Variants in RNF141 observed in about 807,000 individuals in gnomAD.
RNF141 encodes ring finger protein 141, also known as C3HC4-like zinc finger protein.
Under a neutral mutation model 27.4 loss-of-function variants are expected in RNF141, and 18 were observed. That is an observed-to-expected ratio of 0.66 (90% CI 0.45 to 0.97). RNF141 has a LOEUF of 0.97. RNF141 is among the 50% of genes least tolerant of loss of function. RNF141 has a pLI of 0.00. For missense variants in RNF141, 230 were observed against 279.4 expected (o/e 0.82, Z 1.26); for synonymous variants, 97 against 96.6 (o/e 1.00, Z -0.02).
In RNF141 at chr11:10,514,019, A is replaced by G. The variant is rs1049777259; in HGVS notation, c.*897T>C. 6.6e-6 allele frequency: 1 copy of G among 152,212 alleles called. No individual in the cohort carries two copies. The highest frequency in any genetic ancestry group is 1.5e-5 in the Non-Finnish European group (1 of 68,040). The allele number at this position is 152,212 out of a possible 1,614,324, so 9.4% of individuals were successfully genotyped here. ...AAATTTGAGGACTCTGAAATCTCAGAAAGATGTTTTCAAGTTAAGGAAATA... is the reference window on the plus strand; with the variant it reads ...AAATTTGAGGACTCTGAAATCTCAGGAAGATGTTTTCAAGTTAAGGAAATA... On this transcript the variant is annotated 3_prime_UTR_variant, in exon 6 of 6. Transcript: ENST00000265981.
At chr11:10,527,501 C>T (rs910196110) in intron 3 of RNF141, among the ~76,000 whole-genome samples, 1 of 152,116 alleles carries the variant, frequency 6.6e-6, no homozygotes. Context: ...GAGAGTCTCA[C>T]AAGAAGCCCA....
rs181217129 is a variant in RNF141 at position 10,530,534 on chromosome 11, C to T, written c.252+109G>A. 1.2e-3 allele frequency: 614 copies of T among 531,872 alleles called. 1 individual carries two copies. Among genetic ancestry groups the T allele is most frequent in the Non-Finnish European group, 1.5e-3 (467 of 304,764 alleles). The allele number at this position is 531,872 out of a possible 1,614,324, so 32.9% of individuals were successfully genotyped here. On this transcript the variant is annotated intron_variant, in intron 3 of 5. Transcript: ENST00000265981. The stretch of plus-strand genomic sequence containing the variant: ...AGTAACAAAACTATGTTTTACAAAA[C>T]CACCGAGTTATTAAAATGTATATGC...
At position 10,525,017 on chromosome 11, in the gene RNF141, C is replaced by T. The variant is rs150246483; in HGVS notation, c.434+175G>A. ...GCCCTGCCAAGCCACTTTAATTTAG[C>T]ACTGTAACAACATCCGAAGCACAGA... On this transcript the variant is annotated intron_variant, in intron 4 of 5. Coordinates refer to ENST00000265981, the MANE Select transcript of RNF141 (RefSeq NM_016422.4). Among the ~76,000 whole-genome samples the T allele has an allele frequency of 2.4e-3, 364 of 151,496 alleles. 1 individual carries two copies. The highest frequency in any genetic ancestry group is 0.01 in the Middle Eastern group (3 of 294).
At chr11:10,536,650 TAAAC>T (rs903239422) in intron 1 of RNF141, among the ~76,000 whole-genome samples, 2 of 152,156 alleles carry the variant, frequency 1.3e-5, no homozygotes, top group African/African-American at 2.4e-5. Flanking sequence ...GGAGTCTCTT[TAAAC>T]AAACAGAGTT....
intron 5 of RNF141, chr11:10,518,620 C>T (rs77318898): frequency 0.018 from 2,871 of 156,344 alleles, 88 homozygotes; most frequent in African/African-American, 0.063. Context: ...TTATCCTAAA[C>T]GCTCAAGTCT....
chr11:10,517,110 G>A (rs1020537707), intron 5 of RNF141: 2 of 151,578 alleles, frequency 1.3e-5, no homozygotes, highest in African/African-American at 2.4e-5. Flanking sequence ...AAAATGGAAA[G>A]TTATTATAGC....
At chr11:10,527,187 C>T (rs980209614) in intron 3 of RNF141, among the ~76,000 whole-genome samples, 38 of 152,324 alleles carry the variant, frequency 2.5e-4, no homozygotes, top group Middle Eastern at 3.4e-3. Flanking sequence ...GCTCTAGGCA[C>T]TAGCCACAGT....
At position 10,512,718 on chromosome 11, in the gene RNF141, T is replaced by C. The variant is rs1179505282; in HGVS notation, c.*2198A>G. On this transcript the variant is annotated 3_prime_UTR_variant, in exon 6 of 6. Transcript: ENST00000265981. ...TGTTCCATGGAATACTAAGAATCTA[T>C]GGAGGAGATACAGGGTTCTGCAAAT... 2.0e-5 allele frequency: 3 copies of C among 152,032 alleles called. No homozygotes were observed. The highest frequency in any genetic ancestry group is 2.9e-5 in the Non-Finnish European group (2 of 67,974). 9.4% of individuals were successfully genotyped at this position (152,032 alleles called of 1,614,324 possible).
chr11:10,532,361 TA>T (rs1849994160), intron 2 of RNF141, among the ~76,000 whole-genome samples: 1 of 152,096 alleles, frequency 6.6e-6, no homozygotes, highest in African/African-American at 2.4e-5. Context: ...CTAGAGTTTT[TA>T]AAACCAATGA....
At position 10,532,424 on chromosome 11, in the gene RNF141, T is replaced by G. The variant is rs537399564; in HGVS notation, c.143+1592A>C. Among the ~76,000 whole-genome samples, 29 of 151,128 alleles carry G rather than the reference T, an allele frequency of 1.9e-4. 1 individual carries two copies. Among genetic ancestry groups the G allele is most frequent in the Admixed American group, 1.6e-3 (24 of 15,130 alleles). ...AATACACACAGTAAAATGTAAAATC[T>G]CCCTCTCTGCCCCCTTTTCCCACCA... On this transcript the variant is annotated intron_variant, in intron 2 of 5. Coordinates refer to ENST00000265981, the MANE Select transcript of RNF141 (RefSeq NM_016422.4).
rs1346664645 is a variant in RNF141, at chr11:10,525,259, T to C, written c.367A>G (p.Thr123Ala). 6.2e-7 allele frequency: 1 copy of C among 1,613,092 alleles called. No individual in the cohort carries two copies. Among genetic ancestry groups the C allele is most frequent in the Non-Finnish European group, 8.5e-7 (1 of 1,179,374 alleles). Residue 123 changes from threonine to alanine, a missense_variant, in exon 4 of 6, where the codon ACC becomes GCC. Physicochemically the swap from Thr to Ala is moderately conservative, Grantham distance 58 (BLOSUM62 0). Coordinates refer to ENST00000265981, the MANE Select transcript of RNF141 (RefSeq NM_016422.4). The part of the protein sequence containing the change: ...QAAGVLAQSS[T>A]SEEPDENSSS... Reference sequence around the variant, plus strand: ...GAGTTTTCATCAGGTTCTTCAGAGGTGGAGCTCTGTGCCAATACTCCTGCT... The same window carrying C: ...GAGTTTTCATCAGGTTCTTCAGAGGCGGAGCTCTGTGCCAATACTCCTGCT...
chr11:10,520,497 G>A (rs956113013), intron 4 of RNF141, among the ~76,000 whole-genome samples: 1 of 152,164 alleles, frequency 6.6e-6, no homozygotes, highest in African/African-American at 2.4e-5. Flanking sequence ...AACATGCACG[G>A]AGCTGTCATC....
intron 2 of RNF141, among the ~76,000 whole-genome samples, chr11:10,531,090 A>C (rs1364229621): frequency 1.3e-5 from 2 of 152,150 alleles, no homozygotes; most frequent in Non-Finnish European, 2.9e-5. Context: ...ACTTAAAAAA[A>C]AGGTTGGCCA....
Position 10,531,408 on chromosome 11 carries a change from T to C in RNF141, c.144-657A>G, listed in dbSNP as rs190716269. Among the ~76,000 whole-genome samples, 74 of 152,068 alleles carry C rather than the reference T, an allele frequency of 4.9e-4. No individual in the cohort carries two copies. The East Asian group carries it at 0.012, about 24-fold the overall frequency. On this transcript the variant is annotated intron_variant, in intron 2 of 5. Coordinates refer to ENST00000265981, the MANE Select transcript of RNF141 (RefSeq NM_016422.4). ...AAAAAAGGTTAGCTAGTGTCATTTA[T>C]CAAAATTTTTTGACTGTTGCCTCAG...
chr11:10,535,004 AC>A (rs1285929253), intron 1 of RNF141, among the ~76,000 whole-genome samples: 2 of 151,914 alleles, frequency 1.3e-5, no homozygotes, highest in Non-Finnish European at 2.9e-5. Context: ...TCTTTTAGGT[AC>A]CCCCAAAATA....
chr11:10,520,793 G>A (rs761604128), intron 4 of RNF141, among the ~76,000 whole-genome samples: 4 of 152,100 alleles, frequency 2.6e-5, no homozygotes, highest in Admixed American at 6.5e-5. Context: ...TGGCTACGAC[G>A]TCCACAGGCA....
chr11:10,514,878 T>C lies in RNF141; in HGVS notation c.*38A>G, dbSNP rs1849831171. On this transcript the variant is annotated 3_prime_UTR_variant, in exon 6 of 6. Coordinates refer to ENST00000265981, the MANE Select transcript of RNF141 (RefSeq NM_016422.4). The stretch of plus-strand genomic sequence containing the variant: ...CATTCTTCCCCCATGACCAAATATT[T>C]GAGCCCACAATAGCAACAGAAGACT... The C allele has an allele frequency of 6.4e-7, 1 of 1,568,920 alleles. No individual in the cohort carries two copies. Among genetic ancestry groups the C allele is most frequent in the African/African-American group, 1.4e-5 (1 of 73,192 alleles).
intron 1 of RNF141, among the ~76,000 whole-genome samples, chr11:10,537,410 T>C (rs532354223): frequency 1.3e-5 from 2 of 152,292 alleles, no homozygotes; most frequent in Non-Finnish European, 2.9e-5. Context: ...GCTGAAAACT[T>C]TGAATAATAT....
chr11:10,538,377 G>A (rs1850056345), intron 1 of RNF141, among the ~76,000 whole-genome samples: 1 of 152,174 alleles, frequency 6.6e-6, no homozygotes, highest in African/African-American at 2.4e-5. Flanking sequence ...ATCACTATAT[G>A]GGTGTGAAAA....
Sources: allele counts gnomAD v4.1 joint callset (sites outside exome capture counted in the v4.1 genomes callset), GRCh38; gene constraint gnomAD v4.1.1; transcripts MANE v1.5; gene names NCBI Gene and HGNC (gene_info 2026-07-23, HGNC 2026-07-21).